Variants in NSUN3 observed in about 807,000 individuals in gnomAD.
The protein encoded by NSUN3 is NOP2/Sun RNA methyltransferase 3.
A neutral mutation model predicts 36.8 loss-of-function variants in NSUN3; 24 were observed. That is an observed-to-expected ratio of 0.65 (90% CI 0.47 to 0.92). NSUN3 has a LOEUF of 0.92. Among genes scored for constraint, NSUN3 ranks in the 40% least tolerant of loss-of-function variants. The pLI, the probability that NSUN3 is intolerant of heterozygous loss-of-function variation, is 0.00. For synonymous variants in NSUN3, 146 were observed against 145.2 expected, an observed-to-expected ratio of 1.01 and a Z score of -0.04; for missense variants, 381 against 392.8, an observed-to-expected ratio of 0.97 and a Z score of 0.25.
chr3:94,074,040 C>G (rs2107238734), intron 2 of NSUN3, among the ~76,000 whole-genome samples: 1 of 152,230 alleles, frequency 6.6e-6, no homozygotes, highest in African/African-American at 2.4e-5. Context: ...TTCCCAGCAC[C>G]ATTTATTAAA....
intron 2 of NSUN3, chr3:94,075,819 C>A: frequency 2.1e-5 from 19 of 902,288 alleles, no homozygotes; most frequent in Non-Finnish European, 3.0e-5. Context: ...GATACCTGAA[C>A]AAAGTCTGTC....
intron 2 of NSUN3, among the ~76,000 whole-genome samples, chr3:94,074,834 A>G (rs1050571666): frequency 3.3e-5 from 5 of 152,132 alleles, no homozygotes; most frequent in Non-Finnish European, 7.3e-5. Context: ...AGAAATTCCA[A>G]TACTGTGTTG....
At chr3:94,068,010 T>C (rs1156705225) in intron 2 of NSUN3, among the ~76,000 whole-genome samples, 1 of 152,162 alleles carries the variant, frequency 6.6e-6, no homozygotes, top group Admixed American at 6.5e-5. Flanking sequence ...CTGGCTATGC[T>C]GTTCTTCTGC....
At chr3:94,063,710 T>C (rs2077191446) in intron 1 of NSUN3, 1 of 152,536 alleles carries the variant, frequency 6.6e-6, no homozygotes, top group Non-Finnish European at 1.5e-5. Context: ...CTTGAACTCC[T>C]GGGTTCAAGC....
At chr3:94,084,756 T>G (rs2077285108) in intron 3 of NSUN3, 1 of 244,318 alleles carries the variant, frequency 4.1e-6, no homozygotes, top group Non-Finnish European at 8.0e-6. Context: ...ACCTTTATAC[T>G]TGAGAGTCTT....
At chr3:94,118,505 T>C (rs2077449311) in intron 5 of NSUN3, among the ~76,000 whole-genome samples, 1 of 152,150 alleles carries the variant, frequency 6.6e-6, no homozygotes, top group African/African-American at 2.4e-5. Flanking sequence ...TGGTTAGTGA[T>C]AATTTCATGC....
intron 5 of NSUN3, among the ~76,000 whole-genome samples, chr3:94,106,895 A>G (rs7615950): frequency 0.064 from 9,679 of 152,270 alleles, 622 homozygotes; most frequent in African/African-American, 0.16. Context: ...AAAATTCCCA[A>G]AATGCTTCAG....
At chr3:94,077,131 C>T in intron 2 of NSUN3, 3 of 750,210 alleles carry the variant, frequency 4.0e-6, no homozygotes, top group Non-Finnish European at 7.4e-6. Flanking sequence ...ATGGATCACT[C>T]ATTCTTCCAC....
chr3:94,080,949 GGGGTAT>G (rs1455227724), intron 2 of NSUN3, among the ~76,000 whole-genome samples: 1 of 152,198 alleles, frequency 6.6e-6, no homozygotes, highest in African/African-American at 2.4e-5. Context: ...AGGCGCCACT[GGGGTAT>G]GGAAAAGAAA....
At position 94,130,931 on chromosome 3, in the gene NSUN3, T is replaced by G. The variant is rs1417111265; in HGVS notation, c.*4441T>G. ...TTTTTCACTTTGAATCAAATGGAAT[T>G]TAGTTCCTCCCACTGTCCCCAACCC... On this transcript the variant is annotated 3_prime_UTR_variant, in exon 6 of 6. Transcript: ENST00000314622. 6.6e-6 allele frequency among the ~76,000 whole-genome samples: 1 copy of G among 152,026 alleles called. No individual in the cohort carries two copies. The highest frequency in any genetic ancestry group is 2.4e-5 in the African/African-American group (1 of 41,380).
chr3:94,071,447 A>G (rs2077224495), intron 2 of NSUN3, among the ~76,000 whole-genome samples: 1 of 152,240 alleles, frequency 6.6e-6, no homozygotes, highest in Non-Finnish European at 1.5e-5. Context: ...GAGTCAGTCT[A>G]TGAATTTTTA....
At position 94,130,967 on chromosome 3, in the gene NSUN3, C is replaced by T. The variant is rs559007626; in HGVS notation, c.*4477C>T. Among the ~76,000 whole-genome samples the T allele has an allele frequency of 1.3e-5, 2 of 152,082 alleles. No individual in the cohort carries two copies. Among genetic ancestry groups the T allele is most frequent in the East Asian group, 3.9e-4 (2 of 5,178 alleles). On this transcript the variant is annotated 3_prime_UTR_variant, in exon 6 of 6. Transcript: ENST00000314622. ...CACTGTCCCCAACCCAGCTAGAGTG[C>T]AGTGGTGTCATCATGGCTCACTGCA...
At position 94,130,120 on chromosome 3, in the gene NSUN3, T is replaced by C. The variant is rs987002050; in HGVS notation, c.*3630T>C. Among the ~76,000 whole-genome samples the C allele has an allele frequency of 6.6e-6, 1 of 152,106 alleles. No homozygotes were observed. Among genetic ancestry groups the C allele is most frequent in the Non-Finnish European group, 1.5e-5 (1 of 68,012 alleles). The stretch of plus-strand genomic sequence containing the variant: ...AAGTATTATAACCCCCTTTTGTGAA[T>C]GAGAAAACCAAAGCTCAGTTCTGTT... On this transcript the variant is annotated 3_prime_UTR_variant, in exon 6 of 6. Coordinates refer to ENST00000314622, the MANE Select transcript of NSUN3 (RefSeq NM_022072.5).
chr3:94,124,148 C>CTTTTTTTTTTTTTTTTTTTTTTTTATT (rs58987431), intron 5 of NSUN3, among the ~76,000 whole-genome samples: 1 of 88,186 alleles, frequency 1.1e-5, no homozygotes, highest in Non-Finnish European at 2.1e-5. Context: ...TATTTTATTT[C>CTTTTTTTTTTTTTTTTTTTTTTTTATT]TTTTTTTTTT....
chr3:94,094,947 A>T (rs930311596), intron 4 of NSUN3, 86 bp from the exon 5 acceptor site: 2 of 1,333,420 alleles, frequency 1.5e-6, no homozygotes, highest in East Asian at 2.4e-5. Flanking sequence ...TTTGTTTACC[A>T]TGTTTTAGAG....
At chr3:94,122,775 C>A (rs1303420874) in intron 5 of NSUN3, among the ~76,000 whole-genome samples, 1 of 152,000 alleles carries the variant, frequency 6.6e-6, no homozygotes, top group Non-Finnish European at 1.5e-5. Flanking sequence ...TTTCTCTCTC[C>A]CTTCTACTTC....
At chr3:94,076,819 T>C in intron 2 of NSUN3, 2 of 1,584,344 alleles carry the variant, frequency 1.3e-6, no homozygotes, top group South Asian at 2.2e-5. Context: ...TGATCTTGAT[T>C]TCTATTTCAA....
At chr3:94,098,844 G>A (rs764302579) in intron 5 of NSUN3, among the ~76,000 whole-genome samples, 1 of 151,970 alleles carries the variant, frequency 6.6e-6, no homozygotes, top group Non-Finnish European at 1.5e-5. Flanking sequence ...CTAGGAGTGG[G>A]GTGGATATTG....
At chr3:94,118,021 G>A (rs2077447266) in intron 5 of NSUN3, among the ~76,000 whole-genome samples, 1 of 152,106 alleles carries the variant, frequency 6.6e-6, no homozygotes, top group Non-Finnish European at 1.5e-5. Context: ...TAAATTCTAG[G>A]ATTTGATGGT....
Sources: allele counts gnomAD v4.1 joint callset (sites outside exome capture counted in the v4.1 genomes callset), GRCh38; gene constraint gnomAD v4.1.1; transcripts MANE v1.5; gene names NCBI Gene and HGNC (gene_info 2026-07-23, HGNC 2026-07-21).